Variants in CEP126 observed in about 807,000 individuals in gnomAD.
CEP126 encodes centrosomal protein 126.
Under a neutral mutation model 107.8 loss-of-function variants are expected in CEP126, and 74 were observed. That is an observed-to-expected ratio of 0.69 (90% CI 0.57 to 0.83). The LOEUF is 0.83. Ranked by LOEUF, CEP126 falls within the 40% of genes least tolerant of loss-of-function variation. The pLI is 0.00. For synonymous variants in CEP126, 449 were observed against 446.0 expected, an observed-to-expected ratio of 1.01 and a Z score of -0.08; for missense variants, 1,237 against 1,281.9, an observed-to-expected ratio of 0.96 and a Z score of 0.53.
At chr11:101,931,059 A>G (rs1257121873) in intron 2 of CEP126, among the ~76,000 whole-genome samples, 1 of 152,148 alleles carries the variant, frequency 6.6e-6, no homozygotes, top group African/African-American at 2.4e-5. Flanking sequence ...AATACATTTT[A>G]ACCTACTAAA....
At chr11:101,976,264 T>C (rs1941190835) in intron 6 of CEP126, among the ~76,000 whole-genome samples, 1 of 152,218 alleles carries the variant, frequency 6.6e-6, no homozygotes, top group Non-Finnish European at 1.5e-5. Context: ...TTTTTAGTAA[T>C]AGCCATTCGG....
intron 2 of CEP126, among the ~76,000 whole-genome samples, chr11:101,930,611 G>T (rs1940484342): frequency 6.6e-6 from 1 of 152,194 alleles, no homozygotes; most frequent in Non-Finnish European, 1.5e-5. Flanking sequence ...CTGGTGGCCA[G>T]CTTTTATCCC....
intron 4 of CEP126, among the ~76,000 whole-genome samples, chr11:101,954,407 G>T (rs1940856468): frequency 6.6e-6 from 1 of 152,172 alleles, no homozygotes; most frequent in African/African-American, 2.4e-5. Flanking sequence ...GCAGTTGCTT[G>T]AAGTCTTAGA....
intron 2 of CEP126, among the ~76,000 whole-genome samples, chr11:101,929,737 C>T (rs1048974616): frequency 6.6e-6 from 1 of 152,116 alleles, no homozygotes. Flanking sequence ...GAAAGCCAGG[C>T]GTTCTACTCA....
Position 101,997,814 on chromosome 11 carries a change from A to G in CEP126, c.*171A>G. ...GTTTAACAGAGCAGTGACATTTAAC[A>G]AAGCAGTGAAGTTTAACAGAGTTCT... On this transcript the variant is annotated 3_prime_UTR_variant, in exon 11 of 11. Transcript: ENST00000263468. The G allele has an allele frequency of 1.2e-6, 1 of 828,624 alleles. No individual in the cohort carries two copies. Among genetic ancestry groups the G allele is most frequent in the Non-Finnish European group, 1.9e-6 (1 of 535,390 alleles). The allele number at this position is 828,624 out of a possible 1,614,324, so 51.3% of individuals were successfully genotyped here. A position where few individuals can be genotyped will look rare whatever the true frequency, so the allele number is the denominator to read the frequency against.
intron 9 of CEP126, among the ~76,000 whole-genome samples, chr11:101,989,977 A>G (rs1941358696): frequency 6.6e-6 from 1 of 151,052 alleles, no homozygotes; most frequent in African/African-American, 2.5e-5. Context: ...AAAAGGAAAC[A>G]CAGAAACATC....
chr11:101,918,750 G>A (rs750828181), intron 1 of CEP126, among the ~76,000 whole-genome samples: 2 of 152,158 alleles, frequency 1.3e-5, no homozygotes, highest in Non-Finnish European at 2.9e-5. Flanking sequence ...CATGCCAGGC[G>A]TGAGAGTTAC....
intron 3 of CEP126, among the ~76,000 whole-genome samples, chr11:101,946,008 T>C (rs1940731344): frequency 6.6e-6 from 1 of 152,114 alleles, no homozygotes. Flanking sequence ...TAGATTGAAG[T>C]AGAGACTTAC....
chr11:101,986,961 A>G lies in CEP126; in HGVS notation c.3164A>G (p.Gln1055Arg). Residue 1055 changes from glutamine (Q) to arginine (R), a missense_variant, in exon 9 of 11, where the codon CAA (glutamine) becomes CGA (arginine). Physicochemically the swap from Gln to Arg is conservative, Grantham distance 43 (BLOSUM62 1). Transcript: ENST00000263468. ...TCAAATCTACCTTTAAATAAAACTC[A>G]ACAATTCAACATCTGCACACTGTCA... is the stretch of plus-strand genomic sequence containing the variant. The part of the protein sequence containing the change: ...QKSNLPLNKT[Q>R]QFNICTLSAE... 1 of 1,613,886 alleles carries G rather than the reference A, an allele frequency of 6.2e-7. No individual in the cohort carries two copies. The highest frequency in any genetic ancestry group is 1.1e-5 in the South Asian group (1 of 91,086).
At chr11:101,959,347 G>C (rs1035659349) in intron 5 of CEP126, among the ~76,000 whole-genome samples, 2 of 151,932 alleles carry the variant, frequency 1.3e-5, no homozygotes, top group African/African-American at 4.8e-5. Context: ...GTAGAGACGA[G>C]GTTTTACCAT....
chr11:101,941,480 G>A (rs1289501406), intron 2 of CEP126, among the ~76,000 whole-genome samples: 3 of 151,938 alleles, frequency 2.0e-5, no homozygotes, highest in African/African-American at 2.4e-5. Context: ...AATTTTCTTC[G>A]TTTTTAAGAC....
intron 9 of CEP126, among the ~76,000 whole-genome samples, chr11:101,987,797 A>G (rs1009614622): frequency 3.3e-5 from 5 of 152,184 alleles, no homozygotes; most frequent in African/African-American, 1.2e-4. Flanking sequence ...TACTCACATT[A>G]ACTGAATAGT....
chr11:101,956,823 T>G (rs893780874), intron 4 of CEP126: 1 of 424,662 alleles, frequency 2.4e-6, no homozygotes. Context: ...CCATCTCCTT[T>G]TATTCCTATC....
intron 6 of CEP126, among the ~76,000 whole-genome samples, chr11:101,973,342 A>G (rs982558376): frequency 3.7e-4 from 56 of 152,236 alleles, no homozygotes; most frequent in Admixed American, 1.8e-3. Flanking sequence ...AGCCATAAAA[A>G]GGAACGAGAT....
chr11:101,961,903 T>C lies in CEP126; in HGVS notation c.868T>C (p.Ser290Pro). 1 of 1,613,110 alleles carries C rather than the reference T, an allele frequency of 6.2e-7. No homozygotes were observed. The highest frequency in any genetic ancestry group is 1.3e-5 in the African/African-American group (1 of 75,016). ...TTCCCTCAAACCAGCAAATATGCAA[T>C]CAACTAATCTCAGCTGCTTTGATGA... ...TISLKPANMQSTNLSCFDEDK... is the reference protein window; with the variant it reads ...TISLKPANMQPTNLSCFDEDK... Residue 290 changes from serine to proline, a missense_variant, in exon 6 of 11, where the codon TCA becomes CCA. Around this residue, in one of 3 missense-constraint regions of CEP126, gnomAD observed 1,134 missense variants for 1,150.5 expected, o/e 0.99. Coordinates refer to ENST00000263468, the MANE Select transcript of CEP126 (RefSeq NM_020802.4).
chr11:101,948,560 A>T (rs991605962), intron 4 of CEP126, among the ~76,000 whole-genome samples: 2 of 152,164 alleles, frequency 1.3e-5, no homozygotes, highest in African/African-American at 4.8e-5. Flanking sequence ...GATGTCTTGA[A>T]AAGGCTACAG....
intron 2 of CEP126, among the ~76,000 whole-genome samples, chr11:101,928,652 C>T (rs538979312): frequency 2.6e-5 from 4 of 152,222 alleles, no homozygotes; most frequent in African/African-American, 7.2e-5. Context: ...AATAGGCTAC[C>T]TTTCCTCCAT....
In CEP126 at chr11:101,998,708, G is replaced by A. The variant is rs1037737109; in HGVS notation, c.*1065G>A. 6 of 150,142 alleles carry A rather than the reference G, an allele frequency of 4.0e-5. No individual in the cohort carries two copies. The highest frequency in any genetic ancestry group is 1.5e-4 in the African/African-American group (6 of 40,676). The allele number at this position is 150,142 out of a possible 1,614,324, so 9.3% of individuals were successfully genotyped here. On this transcript the variant is annotated 3_prime_UTR_variant, in exon 11 of 11. Coordinates refer to ENST00000263468, the MANE Select transcript of CEP126 (RefSeq NM_020802.4). ...TTGGTTCCTCCATAGAATTAGTTTT[G>A]AAACACTTGATGTAGTGAGAAATGC...
chr11:101,956,369 A>G, intron 4 of CEP126: 1 of 455,140 alleles, frequency 2.2e-6, no homozygotes, highest in Non-Finnish European at 4.4e-6. Flanking sequence ...TTCTTATGTC[A>G]CTCCGTTGCC....
Sources: gnomAD v4.1 joint callset for allele counts (sites outside exome capture counted in the v4.1 genomes callset) on GRCh38, gnomAD v4.1.1 for gene constraint, gnomAD v4.1.1 regional missense constraint, MANE v1.5 for transcripts, NCBI Gene and HGNC (gene_info 2026-07-23, HGNC 2026-07-21) for gene names.